CLK3: variants seen among roughly 807,000 people sequenced by gnomAD.
CLK3 encodes the protein CDC like kinase 3, also known as dual specificity protein kinase CLK3.
A neutral mutation model predicts 65.2 loss-of-function variants in CLK3; 24 were observed. The observed-to-expected ratio is 0.37, with a 90% CI of 0.27 to 0.52. CLK3 has a LOEUF of 0.52. Ranked by LOEUF, CLK3 falls within the 20% of genes least tolerant of loss-of-function variation. The pLI, the probability that CLK3 is intolerant of heterozygous loss-of-function variation, is 0.92. For missense variants in CLK3, 506 were observed against 660.0 expected (o/e 0.77, Z 2.56); for synonymous variants, 252 against 240.8 (o/e 1.05, Z -0.43).
chr15:74,609,158 T>C (rs1040184695), intron 1 of CLK3, among the ~76,000 whole-genome samples: 3 of 152,196 alleles, frequency 2.0e-5, no homozygotes, highest in African/African-American at 7.2e-5. Flanking sequence ...CACCGAGTTG[T>C]GGCTCAGCCT....
At chr15:74,617,026 T>G (rs1364571560) in intron 1 of CLK3, among the ~76,000 whole-genome samples, 2 of 152,238 alleles carry the variant, frequency 1.3e-5, no homozygotes, top group Admixed American at 6.5e-5. Context: ...CCTAGAGCCC[T>G]GGCTGGGAGG....
At position 74,625,927 on chromosome 15, in the gene CLK3, A is replaced by G; in HGVS notation, c.776A>G (p.His259Arg). 6.2e-7 allele frequency: 1 copy of G among 1,614,036 alleles called. No individual in the cohort carries two copies. Among genetic ancestry groups the G allele is most frequent in the African/African-American group, 1.3e-5 (1 of 75,012 alleles). Residue 259 changes from histidine (H) to arginine (R), a missense_variant, in exon 7 of 13, where the codon CAT (histidine) becomes CGT (arginine). Around this residue, in one of 2 missense-constraint regions of CLK3, gnomAD observed 325 missense variants for 500.5 expected, o/e 0.65. Transcript: ENST00000395066. The stretch of plus-strand genomic sequence containing the variant: ...AACTTCCAGCCTTACCCCCTACCAC[A>G]TGTCCGGCACATGGCCTACCAGCTC... Reference protein sequence around the residue: ...ENNFQPYPLPHVRHMAYQLCH... With the variant: ...ENNFQPYPLPRVRHMAYQLCH...
chr15:74,629,078 C>G (rs767493864), intron 12 of CLK3, 46 bp downstream of exon 12: 2 of 1,383,794 alleles, frequency 1.4e-6, no homozygotes, highest in Admixed American at 3.4e-5. Flanking sequence ...AAGGAGAGAC[C>G]CCAGGCACTG....
At chr15:74,614,700 G>A (rs1162766605), upstream of CLK3, 1 of 152,206 alleles carries the variant, frequency 6.6e-6, no homozygotes, top group East Asian at 1.9e-4. Flanking sequence ...CCCCGCTTCA[G>A]GGGCGGGCCC....
At chr15:74,615,719 C>T, upstream of CLK3, 4 of 1,238,818 alleles carry the variant, frequency 3.2e-6, no homozygotes, top group South Asian at 3.6e-5. Flanking sequence ...GGGCTGGTGC[C>T]CCGGAGCCTT....
At chr15:74,616,529 G>A (rs921854450) in intron 1 of CLK3, among the ~76,000 whole-genome samples, 5 of 152,250 alleles carry the variant, frequency 3.3e-5, no homozygotes, top group African/African-American at 1.2e-4. Context: ...TCCCGCCCGG[G>A]AGTCTCTAGC....
At chr15:74,629,560 T>C (rs546139586) in intron 12 of CLK3, 147 bp from the exon 13 acceptor site, 3 of 621,262 alleles carry the variant, frequency 4.8e-6, no homozygotes, top group South Asian at 3.9e-5. Context: ...GAGCTGCTCA[T>C]TGTCCAGGAG....
upstream of CLK3, chr15:74,615,222 T>C (rs919963969): frequency 5.0e-6 from 2 of 400,726 alleles, no homozygotes; most frequent in African/African-American, 4.1e-5. Context: ...GGAGAGGGGA[T>C]CTCCTCCCTC....
At chr15:74,625,090 C>A in intron 6 of CLK3, 72 bp downstream of exon 6, 1 of 1,111,132 alleles carries the variant, frequency 9.0e-7, no homozygotes, top group Admixed American at 1.7e-5. Flanking sequence ...TAGTAGTGTG[C>A]CTTCACCCAT....
chr15:74,617,178 A>G (rs1436091978), intron 1 of CLK3, among the ~76,000 whole-genome samples: 1 of 152,136 alleles, frequency 6.6e-6, no homozygotes, highest in African/African-American at 2.4e-5. Context: ...TGTTATCTCC[A>G]TTTTCCAGGC....
Position 74,621,162 on chromosome 15 carries a change from G to C in CLK3, c.369+937G>C, listed in dbSNP as rs1440822043. The C allele has an allele frequency of 1.3e-5, 2 of 152,626 alleles. No individual in the cohort carries two copies. Among genetic ancestry groups the C allele is most frequent in the African/African-American group, 4.8e-5 (2 of 41,482 alleles). The allele number at this position is 152,626 out of a possible 1,614,324, so 9.5% of individuals were successfully genotyped here. A position where few individuals can be genotyped will look rare whatever the true frequency, so the allele number is the denominator to read the frequency against. ...CTGTGACTTCTTTGAGTGGCTACAG[G>C]TTGAGGGTTGACTGTGCGGGCGATT... is the stretch of plus-strand genomic sequence containing the variant. On this transcript the variant is annotated intron_variant, in intron 3 of 12. Coordinates refer to ENST00000395066, the MANE Select transcript of CLK3 (RefSeq NM_001130028.2). This position sits in a 1 kb window ranked among gnomAD's most constrained non-coding sequence, Gnocchi z 4.8.
upstream of CLK3, chr15:74,615,834 C>T: frequency 1.6e-6 from 2 of 1,248,804 alleles, no homozygotes; most frequent in South Asian, 3.4e-5. Flanking sequence ...GAGGTCGCAG[C>T]CGGAAGCGGA....
Position 74,630,179 on chromosome 15 carries a change from A to G in CLK3, c.*296A>G, listed in dbSNP as rs2062182415. ...GCCTTCCCCTTACCTGACCTTATTA[A>G]TAAAGTCTTTCTTAGCAGTTCAGCT... On this transcript the variant is annotated 3_prime_UTR_variant, in exon 13 of 13. Transcript: ENST00000395066. 3.0e-6 allele frequency: 1 copy of G among 328,980 alleles called. No individual in the cohort carries two copies. Among genetic ancestry groups the G allele is most frequent in the Non-Finnish European group, 5.7e-6 (1 of 176,394 alleles). 20.4% of individuals were successfully genotyped at this position (328,980 alleles called of 1,614,324 possible).
At chr15:74,617,667 CTG>C (rs1463862041) in intron 1 of CLK3, among the ~76,000 whole-genome samples, 3 of 152,246 alleles carry the variant, frequency 2.0e-5, no homozygotes, top group Non-Finnish European at 2.9e-5. Flanking sequence ...CGTGGTGTGA[CTG>C]TGACTGTGTC....
intron 1 of CLK3, among the ~76,000 whole-genome samples, chr15:74,618,193 G>C (rs1304617478): frequency 6.6e-6 from 1 of 152,176 alleles, no homozygotes; most frequent in Non-Finnish European, 1.5e-5. Context: ...TGTGAGTGTT[G>C]GGAAGAAGGC....
chr15:74,625,361 C>T (rs1482795777), intron 6 of CLK3, among the ~76,000 whole-genome samples: 1 of 152,196 alleles, frequency 6.6e-6, no homozygotes, highest in Non-Finnish European at 1.5e-5. Flanking sequence ...TGAGCACTCT[C>T]CTCCACGCAC....
At chr15:74,615,735 C>A, upstream of CLK3, 1 of 1,238,674 alleles carries the variant, frequency 8.1e-7, no homozygotes, top group South Asian at 3.6e-5. Context: ...GCCTTCGAGT[C>A]GGGGGCTAGA....
intron 11 of CLK3, 39 bp downstream of exon 11, chr15:74,628,722 G>A (rs1567145786): frequency 1.3e-6 from 2 of 1,529,924 alleles, no homozygotes; most frequent in Non-Finnish European, 1.8e-6. Flanking sequence ...TGGTATAGAG[G>A]CCTTTCTCTT....
chr15:74,627,230 T>C lies in CLK3; in HGVS notation c.818-122T>C, dbSNP rs2062150532. On this transcript the variant is annotated intron_variant, in intron 7 of 12. Coordinates refer to ENST00000395066, the MANE Select transcript of CLK3 (RefSeq NM_001130028.2). This position sits in a 1 kb window ranked among gnomAD's most constrained non-coding sequence, Gnocchi z 4.3. ...AGAGGCAGGCTGTAGTCCAGCTCCC[T>C]GCTGAGGTGGGGGTGTGAGGACCTC... 2 of 795,838 alleles carry C rather than the reference T, an allele frequency of 2.5e-6. No individual in the cohort carries two copies. Among genetic ancestry groups the C allele is most frequent in the African/African-American group, 1.7e-5 (1 of 59,658 alleles). The allele number at this position is 795,838 out of a possible 1,614,324, so 49.3% of individuals were successfully genotyped here.
Sources: gnomAD v4.1 joint callset for allele counts (sites outside exome capture counted in the v4.1 genomes callset) on GRCh38, gnomAD v4.1.1 for gene constraint, gnomAD v4.1.1 regional missense constraint, Gnocchi (gnomAD v3.1) non-coding constraint, MANE v1.5 for transcripts, NCBI Gene and HGNC (gene_info 2026-07-23, HGNC 2026-07-21) for gene names.